OSBPL10: variants seen among roughly 807,000 people sequenced by gnomAD.
OSBPL10 encodes oxysterol-binding protein-related protein 10.
OSBPL10 carries 49 observed loss-of-function variants against 81.7 expected under a neutral mutation model. That is an observed-to-expected ratio of 0.60 (90% confidence interval 0.48 to 0.76). The LOEUF (loss-of-function observed/expected upper bound fraction) is 0.76. Among genes scored for constraint, OSBPL10 ranks in the 30% least tolerant of loss-of-function variants. The pLI is 0.00. For synonymous variants in OSBPL10, 419 were observed against 383.6 expected (o/e 1.09, Z -1.08); for missense variants, 923 against 987.8 (o/e 0.93, Z 0.88).
At position 31,817,029 on chromosome 3, in the gene OSBPL10, G is replaced by A. The variant is rs960247543; in HGVS notation, c.729+13011C>T. On this transcript the variant is annotated intron_variant, in intron 4 of 11. Transcript: ENST00000396556. ...TGGCCATCTCGTCTCTGCCCACTTC[G>A]TCCTCTGGCCATCCTCTCCCTGCTC... is the stretch of plus-strand genomic sequence containing the variant. Among the ~76,000 whole-genome samples, 7 of 152,074 alleles carry A rather than the reference G, an allele frequency of 4.6e-5. No individual in the cohort carries two copies. In the East Asian group the frequency reaches 9.7e-4, roughly 21 times the overall value.
At chr3:31,844,286 C>CA in intron 3 of OSBPL10, among the ~76,000 whole-genome samples, 1 of 152,216 alleles carries the variant, frequency 6.6e-6, no homozygotes, top group East Asian at 1.9e-4. Context: ...TTTTATGACC[C>CA]AAAGACTGAG....
chr3:31,974,673 A>AG (rs1698646914), intron 1 of OSBPL10, among the ~76,000 whole-genome samples: 1 of 152,194 alleles, frequency 6.6e-6, no homozygotes, highest in Non-Finnish European at 1.5e-5. Flanking sequence ...GTTCAAAAGG[A>AG]GACCAAACAA....
chr3:31,909,469 G>A (rs1696509562), intron 1 of OSBPL10, among the ~76,000 whole-genome samples: 1 of 151,820 alleles, frequency 6.6e-6, no homozygotes, highest in South Asian at 2.1e-4. Flanking sequence ...GACTCTTGTG[G>A]CTAATGAAAG....
In OSBPL10 at chr3:31,951,498, G is replaced by T. The variant is rs189208407; in HGVS notation, c.281+29401C>A. On this transcript the variant is annotated intron_variant, in intron 1 of 11. Transcript: ENST00000396556. ...GGATTGAGTTGAAGAAGAATACTTG[G>T]GCAGATGAGCTACTAGTGGTTATAT... Among the ~76,000 whole-genome samples the T allele has an allele frequency of 2.1e-3, 323 of 152,020 alleles. 2 individuals carry two copies. Among genetic ancestry groups the T allele is most frequent in the South Asian group, 7.1e-3 (34 of 4,814 alleles).
In OSBPL10 at chr3:31,852,711, T is replaced by A. The variant is rs1449296158; in HGVS notation, c.538-22480A>T. The stretch of plus-strand genomic sequence containing the variant: ...CTCCTGCCTCAGCCTCCCAAGTAAG[T>A]GAGACTACAGGCACACGCCACCATG... On this transcript the variant is annotated intron_variant, in intron 3 of 11. Transcript: ENST00000396556. Among the ~76,000 whole-genome samples, 5 of 152,120 alleles carry A rather than the reference T, an allele frequency of 3.3e-5. No individual in the cohort carries two copies. In the East Asian group the frequency reaches 9.7e-4, roughly 29 times the overall value.
At chr3:31,879,576 ACAAAAAAT>A in intron 2 of OSBPL10, 71 bp downstream of exon 2, 1 of 1,454,636 alleles carries the variant, frequency 6.9e-7, no homozygotes. Context: ...ATTTAAAAAA[ACAAAAAAT>A]CAAAAAACAA....
chr3:31,902,986 T>C (rs1045441390), intron 1 of OSBPL10, among the ~76,000 whole-genome samples: 1 of 152,224 alleles, frequency 6.6e-6, no homozygotes, highest in Admixed American at 6.5e-5. Flanking sequence ...AGAGGATTTA[T>C]TCATTCTTGC....
At position 31,664,139 on chromosome 3, in the gene OSBPL10, CA is replaced by C; in HGVS notation, c.2189del (p.Val730GlyfsTer46). On this transcript the variant is annotated frameshift_variant, in exon 11 of 12. Transcript: ENST00000396556. LOFTEE classifies it high-confidence loss of function. ...GGAGGTTCTCGCGCTTCCGTTCCTC[CA>C]CCCGTTGCTTCTCCTCCAGGTGCCG... ...QKRHLEEKQR[V>X]EERKRENLRT... 6.2e-7 allele frequency: 1 copy of C among 1,613,900 alleles called. No individual in the cohort carries two copies. Among genetic ancestry groups the C allele is most frequent in the Non-Finnish European group, 8.5e-7 (1 of 1,180,014 alleles).
intron 1 of OSBPL10, among the ~76,000 whole-genome samples, chr3:31,953,822 C>T (rs1181291862): frequency 6.6e-6 from 1 of 152,180 alleles, no homozygotes; most frequent in African/African-American, 2.4e-5. Flanking sequence ...TGTTCAAAAG[C>T]TCTATGTGTA....
At chr3:32,053,224 G>A (rs1056618054) in intron 1 of OSBPL10, among the ~76,000 whole-genome samples, 6 of 152,184 alleles carry the variant, frequency 3.9e-5, no homozygotes, top group African/African-American at 9.7e-5. Flanking sequence ...TGCAAGGCAC[G>A]TGAGGAAAGT....
chr3:31,786,841 G>A (rs913202535), intron 4 of OSBPL10, among the ~76,000 whole-genome samples: 4 of 152,118 alleles, frequency 2.6e-5, no homozygotes, highest in African/African-American at 2.4e-5. Flanking sequence ...CAGTTACTAC[G>A]AGCTAGACTT....
chr3:31,714,512 T>C (rs1430511130), intron 6 of OSBPL10: 1 of 152,652 alleles, frequency 6.6e-6, no homozygotes, highest in Non-Finnish European at 1.5e-5. Flanking sequence ...GATTCAATTA[T>C]TCTACTAAAC....
intron 4 of OSBPL10, among the ~76,000 whole-genome samples, chr3:31,757,103 T>C (rs1697909733): frequency 6.6e-6 from 1 of 152,190 alleles, no homozygotes; most frequent in Non-Finnish European, 1.5e-5. Context: ...TGAGGGTTTT[T>C]CCGTGAAAAT....
At chr3:31,838,291 A>T (rs984310289) in intron 3 of OSBPL10, among the ~76,000 whole-genome samples, 2 of 152,218 alleles carry the variant, frequency 1.3e-5, no homozygotes, top group Admixed American at 1.3e-4. Context: ...TGGGCGGATC[A>T]TGAGGTCAGG....
chr3:31,757,585 T>C (rs1697925599), intron 4 of OSBPL10, among the ~76,000 whole-genome samples: 1 of 152,270 alleles, frequency 6.6e-6, no homozygotes, highest in Non-Finnish European at 1.5e-5. Flanking sequence ...AATGCAGTAC[T>C]AGTAAACTAA....
chr3:31,892,755 G>T (rs1443173320), intron 1 of OSBPL10, among the ~76,000 whole-genome samples: 1 of 152,168 alleles, frequency 6.6e-6, no homozygotes, highest in Non-Finnish European at 1.5e-5. Context: ...ACATGATTCG[G>T]ATCATCATCA....
At chr3:31,991,037 A>G (rs1699021829) in intron 2 of OSBPL10, 21 of 1,459,202 alleles carry the variant, frequency 1.4e-5, no homozygotes, top group Non-Finnish European at 1.9e-5. Flanking sequence ...TCCAAATGCA[A>G]TGAGTATAGC....
chr3:31,748,352 G>A (rs933674483), intron 4 of OSBPL10, among the ~76,000 whole-genome samples: 3 of 152,140 alleles, frequency 2.0e-5, no homozygotes, highest in African/African-American at 7.2e-5. Flanking sequence ...GCTAAAAGGG[G>A]CCATTAGGGC....
chr3:31,723,570 A>ACACC (rs1407748528), intron 6 of OSBPL10, among the ~76,000 whole-genome samples: 1 of 150,268 alleles, frequency 6.7e-6, no homozygotes, highest in African/African-American at 2.5e-5. Flanking sequence ...ACACACACAC[A>ACACC]CCCCTTTCCC....
Sources: allele counts gnomAD v4.1 joint callset (sites outside exome capture counted in the v4.1 genomes callset), GRCh38; gene constraint gnomAD v4.1.1; transcripts MANE v1.5; gene names NCBI Gene and HGNC (gene_info 2026-07-23, HGNC 2026-07-21).